MREG: variants seen among roughly 807,000 people sequenced by gnomAD.
The protein encoded by MREG is melanoregulin.
In MREG, 31 loss-of-function variants were observed where a neutral mutation model predicts 28.5. The observed-to-expected ratio is 1.09, with a 90% confidence interval of 0.82 to 1.47. The LOEUF (loss-of-function observed/expected upper bound fraction) is 1.47, where lower values mean the gene tolerates loss of function less well. Among genes scored for constraint, MREG ranks in the 40% most tolerant of loss-of-function variants. The probability of loss-of-function intolerance (pLI) is 0.00; values close to 1 mark genes in which losing one functional copy is unlikely to be tolerated. For synonymous variants in MREG, 106 were observed against 95.2 expected (o/e 1.11, Z -0.66); for missense variants, 256 against 257.4 (o/e 0.99, Z 0.04).
chr2:215,998,323 T>TAAA (rs1407264997), intron 1 of MREG, among the ~76,000 whole-genome samples: 1 of 139,070 alleles, frequency 7.2e-6, no homozygotes, highest in Non-Finnish European at 1.5e-5. Flanking sequence ...AAAAAAAAAA[T>TAAA]AATAATAATA....
intron 1 of MREG, among the ~76,000 whole-genome samples, chr2:216,000,653 C>A (rs1693993106): frequency 6.6e-6 from 1 of 152,194 alleles, no homozygotes; most frequent in Non-Finnish European, 1.5e-5. Context: ...ATTTCTTCTA[C>A]ATTTCTACAT....
chr2:216,030,952 TCTCTCACACA>T (rs1287395937), intron 1 of MREG, among the ~76,000 whole-genome samples: 1,925 of 106,856 alleles, frequency 0.018, 51 homozygotes, highest in African/African-American at 0.074. Flanking sequence ...TCTCTCTCTC[TCTCTCACACA>T]CACACACACA....
intron 2 of MREG, among the ~76,000 whole-genome samples, chr2:215,948,024 G>C (rs538733827): frequency 2.0e-4 from 30 of 152,262 alleles, no homozygotes; most frequent in Non-Finnish European, 3.4e-4. Flanking sequence ...TAACCACACA[G>C]CTATCCTAAT....
chr2:215,963,313 C>A (rs540043508), intron 2 of MREG, among the ~76,000 whole-genome samples: 1 of 151,662 alleles, frequency 6.6e-6, no homozygotes, highest in African/African-American at 2.4e-5. Flanking sequence ...TACTGTAGTC[C>A]CAGCTACTCA....
intron 2 of MREG, 61 bp downstream of exon 2, chr2:215,996,245 A>C: frequency 6.7e-7 from 1 of 1,492,826 alleles, no homozygotes; most frequent in Non-Finnish European, 9.0e-7. Context: ...TCTTCTCAGG[A>C]ATTACTATTT....
chr2:216,025,760 G>A (rs1694586755), intron 1 of MREG, among the ~76,000 whole-genome samples: 1 of 152,236 alleles, frequency 6.6e-6, no homozygotes, highest in Admixed American at 6.5e-5. Context: ...CTTCCTTCCG[G>A]AGGGAGGATC....
intron 2 of MREG, among the ~76,000 whole-genome samples, chr2:215,961,735 T>C (rs1692796218): frequency 1.3e-5 from 2 of 152,148 alleles, no homozygotes. Flanking sequence ...CCTCTCCTCC[T>C]TTTTGACCCA....
chr2:215,960,841 T>C (rs990454651), intron 2 of MREG, among the ~76,000 whole-genome samples: 6 of 151,380 alleles, frequency 4.0e-5, no homozygotes, highest in Non-Finnish European at 7.4e-5. Context: ...CACAAAAAAA[T>C]AAAAAATAAT....
Position 216,031,443 on chromosome 2 carries a change from AAAAG to A in MREG, c.-68+1342_-68+1345del, listed in dbSNP as rs1313869679. On this transcript the variant is annotated intron_variant, in intron 1 of 3. Transcript: ENST00000420348. The stretch of plus-strand genomic sequence containing the variant: ...AAGAAAGAAAGAAAAGAAAGAAAGA[AAAAG>A]AAAGAAAGAGAGAAAGAAAGAAAGA... Among the ~76,000 whole-genome samples, 672 of 125,842 alleles carry A rather than the reference AAAAG, an allele frequency of 5.3e-3. 5 individuals are homozygous for A. The highest frequency in any genetic ancestry group is 0.019 in the African/African-American group (608 of 32,390). The allele number at this position is 125,842 out of a possible 152,430, so 82.6% of individuals were successfully genotyped here.
chr2:215,948,718 T>C lies in MREG; in HGVS notation c.256-1605A>G, dbSNP rs572820376. On this transcript the variant is annotated intron_variant, in intron 2 of 4. Transcript: ENST00000263268. ...TGTCTGGGTTTGAATCCCAGCTCTG[T>C]TATTTACTAACAGCCTGACTTCAGG... Among the ~76,000 whole-genome samples the C allele has an allele frequency of 7.9e-5, 12 of 152,274 alleles. No individual in the cohort carries two copies. The South Asian group carries it at 2.5e-3, about 32-fold the overall frequency.
chr2:216,020,180 C>A (rs1026911104), intron 1 of MREG, among the ~76,000 whole-genome samples: 27 of 152,112 alleles, frequency 1.8e-4, no homozygotes, highest in African/African-American at 6.3e-4. Context: ...CCTTTATCTG[C>A]TGGATATTAA....
downstream of MREG, among the ~76,000 whole-genome samples, chr2:215,942,535 G>A (rs181092894): frequency 4.8e-3 from 738 of 152,312 alleles, no homozygotes; most frequent in Non-Finnish European, 7.6e-3. Context: ...AGGGATTATG[G>A]AAAGAATATC....
chr2:215,945,135 C>T (rs1378867147), intron 4 of MREG, 138 bp from the exon 5 acceptor site: 3 of 917,248 alleles, frequency 3.3e-6, no homozygotes, highest in African/African-American at 3.3e-5. Context: ...TTAATTTTTT[C>T]CTAACAAATG....
intron 2 of MREG, among the ~76,000 whole-genome samples, chr2:215,958,669 C>T (rs1692698760): frequency 6.6e-6 from 1 of 152,190 alleles, no homozygotes; most frequent in African/African-American, 2.4e-5. Context: ...TGATCACCAG[C>T]CCCCAGCAAT....
chr2:215,970,983 G>C (rs1269389605), intron 2 of MREG, among the ~76,000 whole-genome samples: 1 of 152,140 alleles, frequency 6.6e-6, no homozygotes, highest in Non-Finnish European at 1.5e-5. Flanking sequence ...CATGTCCTTA[G>C]TAGGGACATG....
chr2:216,001,208 C>A (rs770094334), intron 1 of MREG, among the ~76,000 whole-genome samples: 3 of 152,150 alleles, frequency 2.0e-5, no homozygotes, highest in Admixed American at 6.5e-5. Context: ...GTCCTTAATC[C>A]ACAAGCCCAA....
intron 1 of MREG, among the ~76,000 whole-genome samples, chr2:216,019,133 T>G (rs1356728273): frequency 6.6e-6 from 1 of 152,216 alleles, no homozygotes; most frequent in East Asian, 1.9e-4. Flanking sequence ...TCTAGCTCTT[T>G]AGTACTCCCA....
intron 2 of MREG, among the ~76,000 whole-genome samples, chr2:215,953,464 G>A (rs778826428): frequency 3.9e-5 from 6 of 152,182 alleles, no homozygotes; most frequent in Non-Finnish European, 7.3e-5. Context: ...TTGGTTCAGC[G>A]ATGGGCACAT....
At chr2:215,979,978 C>CAAAAAAAAAA (rs5838560) in intron 2 of MREG, among the ~76,000 whole-genome samples, 2 of 143,428 alleles carry the variant, frequency 1.4e-5, no homozygotes, top group Admixed American at 6.9e-5. Context: ...AACAAACAAA[C>CAAAAAAAAAA]AAAAAAAAAA....
Sources: gnomAD v4.1 joint callset for allele counts (sites outside exome capture counted in the v4.1 genomes callset) on GRCh38, gnomAD v4.1.1 for gene constraint, MANE v1.5 for transcripts, NCBI Gene and HGNC (gene_info 2026-07-23, HGNC 2026-07-21) for gene names.